PREX1: variants seen among roughly 807,000 people sequenced by gnomAD.
PREX1 encodes phosphatidylinositol-3,4,5-trisphosphate dependent Rac exchange factor 1.
Under a neutral mutation model 198.3 loss-of-function variants are expected in PREX1, and 41 were observed. The ratio of observed to expected loss-of-function variants is 0.21; its 90% CI spans 0.16 to 0.27. The LOEUF (loss-of-function observed/expected upper bound fraction) is 0.27. PREX1 is among the 10% of genes least tolerant of loss of function. The pLI, the probability that PREX1 is intolerant of heterozygous loss-of-function variation, is 1.00. For missense variants in PREX1, 1,620 were observed against 2,200.7 expected (o/e 0.74, Z 5.28); for synonymous variants, 843 against 887.2 (o/e 0.95, Z 0.89).
chr20:48,743,936 TC>T (rs1376041492), intron 3 of PREX1, among the ~76,000 whole-genome samples: 9 of 152,154 alleles, frequency 5.9e-5, no homozygotes, highest in African/African-American at 2.2e-4. Flanking sequence ...GTCACACAGC[TC>T]CATCATCTTA....
intron 1 of PREX1, among the ~76,000 whole-genome samples, chr20:48,793,573 G>C (rs1276496011): frequency 6.6e-6 from 1 of 152,228 alleles, no homozygotes; most frequent in Non-Finnish European, 1.5e-5. Context: ...AAAGTAGAGA[G>C]ACAAAGTTAG....
At chr20:48,783,886 C>A (rs565811922) in intron 1 of PREX1, among the ~76,000 whole-genome samples, 1 of 152,200 alleles carries the variant, frequency 6.6e-6, no homozygotes, top group Non-Finnish European at 1.5e-5. Flanking sequence ...GCTCAAACAG[C>A]TCACCTGCTA....
At chr20:48,732,543 G>A (rs1355220965) in intron 4 of PREX1, among the ~76,000 whole-genome samples, 2 of 152,310 alleles carry the variant, frequency 1.3e-5, no homozygotes, top group East Asian at 1.9e-4. Flanking sequence ...GGATTCAGAG[G>A]TGAAAGACTG....
chr20:48,737,382 T>A (rs1375893141), intron 3 of PREX1, among the ~76,000 whole-genome samples: 1 of 152,030 alleles, frequency 6.6e-6, no homozygotes, highest in Non-Finnish European at 1.5e-5. Context: ...GCACTGTCCT[T>A]CTCCCCTGAA....
intron 1 of PREX1, among the ~76,000 whole-genome samples, chr20:48,814,593 C>T (rs1052374359): frequency 6.6e-6 from 1 of 152,098 alleles, no homozygotes; most frequent in Non-Finnish European, 1.5e-5. Context: ...ACAGAATGAA[C>T]AAGGCGGGGA....
At chr20:48,760,670 G>A (rs569217638) in intron 1 of PREX1, among the ~76,000 whole-genome samples, 10 of 152,228 alleles carry the variant, frequency 6.6e-5, no homozygotes, top group Admixed American at 5.9e-4. Flanking sequence ...AAAGGGGCAG[G>A]AAGTTGCTTG....
At chr20:48,753,021 C>T (rs2090140750) in intron 1 of PREX1, among the ~76,000 whole-genome samples, 1 of 152,096 alleles carries the variant, frequency 6.6e-6, no homozygotes. Context: ...TTTCCTCGAG[C>T]CCAGGCGTTC....
intron 31 of PREX1, 89 bp from the exon 32 acceptor site, chr20:48,636,772 T>C: frequency 5.2e-6 from 6 of 1,153,384 alleles, no homozygotes; most frequent in Non-Finnish European, 7.2e-6. Context: ...CCAGGACCCC[T>C]CATGGAACCC....
intron 1 of PREX1, among the ~76,000 whole-genome samples, chr20:48,769,692 C>A (rs552231979): frequency 1.3e-5 from 2 of 152,210 alleles, no homozygotes; most frequent in Non-Finnish European, 2.9e-5. Flanking sequence ...CCTGTCACCA[C>A]GTAACCACAT....
At chr20:48,833,502 C>T in the PREX1 span, among the ~76,000 whole-genome samples, 4 of 150,502 alleles carry the variant, frequency 2.7e-5, no homozygotes, top group Non-Finnish European at 4.4e-5. Context: ...AATGCAATGC[C>T]GCGATCTCGG....
chr20:48,728,271 G>A (rs1188014539), intron 4 of PREX1, among the ~76,000 whole-genome samples: 1 of 152,204 alleles, frequency 6.6e-6, no homozygotes, highest in Admixed American at 6.5e-5. Context: ...CACATACCAT[G>A]TGCCCACCAT....
intron 33 of PREX1, among the ~76,000 whole-genome samples, chr20:48,633,630 C>T (rs954278784): frequency 5.9e-5 from 9 of 152,156 alleles, no homozygotes; most frequent in Non-Finnish European, 1.3e-4. Context: ...GGAGAATATG[C>T]CTTTCTATCA....
chr20:48,664,789 G>A (rs879748313), intron 15 of PREX1, among the ~76,000 whole-genome samples: 18 of 147,000 alleles, frequency 1.2e-4, no homozygotes, highest in Non-Finnish European at 2.3e-4. Context: ...TTCTAATCCC[G>A]GCTCCAGACG....
upstream of PREX1, among the ~76,000 whole-genome samples, chr20:48,828,811 C>G (rs1001656543): frequency 6.6e-5 from 10 of 152,232 alleles, no homozygotes; most frequent in Non-Finnish European, 1.3e-4. Flanking sequence ...GCCTGCTCCC[C>G]CTTCCATCCA....
intron 1 of PREX1, among the ~76,000 whole-genome samples, chr20:48,805,840 G>A (rs553685177): frequency 7.2e-5 from 11 of 152,330 alleles, no homozygotes; most frequent in Admixed American, 6.5e-4. Context: ...ATGAGACTTA[G>A]AACCAGCTGT....
intron 14 of PREX1, among the ~76,000 whole-genome samples, chr20:48,669,485 G>A (rs992981574): frequency 7.9e-5 from 12 of 152,180 alleles, no homozygotes; most frequent in Non-Finnish European, 1.3e-4. Context: ...GACACTGCCT[G>A]CCATGTTCAC....
chr20:48,722,201 C>T (rs188608494), intron 5 of PREX1, among the ~76,000 whole-genome samples: 1 of 152,302 alleles, frequency 6.6e-6, no homozygotes, highest in East Asian at 1.9e-4. Context: ...AAAGTGGAAA[C>T]GACCCAAATG....
At chr20:48,663,128 T>A (rs2089609271) in intron 15 of PREX1, among the ~76,000 whole-genome samples, 1 of 151,994 alleles carries the variant, frequency 6.6e-6, no homozygotes, top group South Asian at 2.1e-4. Flanking sequence ...AGCTAAAGAG[T>A]GAGTCCTATT....
At chr20:48,695,314 C>A (rs933940868) in intron 7 of PREX1, among the ~76,000 whole-genome samples, 1 of 152,160 alleles carries the variant, frequency 6.6e-6, no homozygotes, top group African/African-American at 2.4e-5. Context: ...TGTGAGTTAC[C>A]CGTGCTGCTG....
Sources: allele counts gnomAD v4.1 joint callset (sites outside exome capture counted in the v4.1 genomes callset), GRCh38; gene constraint gnomAD v4.1.1; transcripts MANE v1.5; gene names NCBI Gene and HGNC (gene_info 2026-07-23, HGNC 2026-07-21).